The following CAB39L variants were observed in gnomAD, a reference collection of about 807,000 sequenced individuals.
CAB39L encodes the protein calcium binding protein 39 like, also known as calcium-binding protein 39-like.
Under a neutral mutation model 39.1 loss-of-function variants are expected in CAB39L, and 23 were observed. The ratio of observed to expected loss-of-function variants is 0.59; its 90% CI spans 0.42 to 0.83. The LOEUF (loss-of-function observed/expected upper bound fraction) is 0.83, where lower values mean the gene tolerates loss of function less well. Among genes scored for constraint, CAB39L ranks in the 40% least tolerant of loss-of-function variants. The pLI is 0.00. For synonymous variants in CAB39L, 126 were observed against 137.2 expected, an observed-to-expected ratio of 0.92 and a Z score of 0.57; for missense variants, 366 against 391.9, an observed-to-expected ratio of 0.93 and a Z score of 0.56.
Position 49,414,195 on chromosome 13 carries a change from T to C in CAB39L, c.-32+19123A>G, listed in dbSNP as rs191759457. 4.6e-5 allele frequency: 7 copies of C among 152,322 alleles called. No homozygotes were observed. In the East Asian group the frequency reaches 1.3e-3, roughly 29 times the overall value. 9.4% of individuals were successfully genotyped at this position (152,322 alleles called of 1,614,324 possible). ...TAGAGTCAAAACTGCAGATGAAAGA[T>C]TTGCCTTAGTAAAAAGAAGCATAAT... On this transcript the variant is annotated intron_variant, in intron 3 of 10. Coordinates refer to ENST00000409308, the MANE Select transcript of CAB39L (RefSeq NM_001079670.3).
At chr13:49,359,107 T>C (rs1955561574) in intron 6 of CAB39L, among the ~76,000 whole-genome samples, 1 of 152,176 alleles carries the variant, frequency 6.6e-6, no homozygotes, top group Non-Finnish European at 1.5e-5. Flanking sequence ...GATGGTCTGC[T>C]GTCCTCAAGC....
intron 3 of CAB39L, among the ~76,000 whole-genome samples, chr13:49,388,133 T>C (rs899594163): frequency 6.6e-6 from 1 of 152,224 alleles, no homozygotes; most frequent in African/African-American, 2.4e-5. Context: ...TACATATCTT[T>C]ATATCTATAT....
At chr13:49,418,361 T>C (rs141142796) in intron 3 of CAB39L, among the ~76,000 whole-genome samples, 559 of 152,280 alleles carry the variant, frequency 3.7e-3, no homozygotes, top group African/African-American at 0.013. Context: ...TTCATAGTTG[T>C]CTAGAGTTAG....
chr13:49,315,895 A>AAAAAGAAAAG (rs1386538478), intron 10 of CAB39L, among the ~76,000 whole-genome samples: 1 of 151,502 alleles, frequency 6.6e-6, no homozygotes, highest in East Asian at 1.9e-4. Flanking sequence ...AAAAAAAAAA[A>AAAAAGAAAAG]AAAAGAAAAG....
At chr13:49,361,546 GAGAGAA>G (rs1365305072) in intron 5 of CAB39L, among the ~76,000 whole-genome samples, 4 of 121,460 alleles carry the variant, frequency 3.3e-5, no homozygotes, top group Middle Eastern at 4.2e-3. Context: ...GAAAAAAAGA[GAGAGAA>G]AGAGAAAGAA....
At chr13:49,316,348 A>G (rs1415607822) in intron 10 of CAB39L, among the ~76,000 whole-genome samples, 1 of 152,192 alleles carries the variant, frequency 6.6e-6, no homozygotes, top group African/African-American at 2.4e-5. Flanking sequence ...CTTCCAACAA[A>G]AAAGAGACCA....
intron 1 of CAB39L, among the ~76,000 whole-genome samples, chr13:49,443,662 G>A (rs2138773930): frequency 6.6e-6 from 1 of 152,064 alleles, no homozygotes; most frequent in East Asian, 1.9e-4. Flanking sequence ...GAGCTCCCAG[G>A]AACCAATGTT....
chr13:49,416,614 C>A (rs1293719268), intron 3 of CAB39L, among the ~76,000 whole-genome samples: 2 of 152,138 alleles, frequency 1.3e-5, no homozygotes, highest in African/African-American at 4.8e-5. Flanking sequence ...GGCTCTGGAG[C>A]CTCCTACCTG....
chr13:49,412,818 A>T (rs1184000161), intron 3 of CAB39L: 1 of 152,192 alleles, frequency 6.6e-6, no homozygotes, highest in Admixed American at 6.5e-5. Context: ...CACAGTTCAC[A>T]GAAGGGTTTG....
chr13:49,370,572 C>G (rs1010013103), intron 5 of CAB39L, among the ~76,000 whole-genome samples: 1 of 152,168 alleles, frequency 6.6e-6, no homozygotes, highest in African/African-American at 2.4e-5. Context: ...TCCAGGGTGT[C>G]ATATCACCCA....
intron 5 of CAB39L, among the ~76,000 whole-genome samples, chr13:49,364,728 C>G (rs1422758632): frequency 6.6e-6 from 1 of 151,776 alleles, no homozygotes; most frequent in Non-Finnish European, 1.5e-5. Context: ...TAGAAATTAA[C>G]TTAACCAAAG....
intron 3 of CAB39L, among the ~76,000 whole-genome samples, chr13:49,395,132 TA>T (rs374710049): frequency 3.3e-5 from 5 of 152,346 alleles, no homozygotes; most frequent in African/African-American, 1.2e-4. Flanking sequence ...CAAATGCTTT[TA>T]TAGTAGAAAT....
At chr13:49,321,369 AAGAT>A (rs1214951331) in intron 10 of CAB39L, among the ~76,000 whole-genome samples, 7 of 152,248 alleles carry the variant, frequency 4.6e-5, no homozygotes, top group Admixed American at 6.5e-5. Flanking sequence ...CCATTTCAAA[AAGAT>A]AGATATCATC....
chr13:49,407,198 T>A, intron 3 of CAB39L, among the ~76,000 whole-genome samples: 1 of 152,178 alleles, frequency 6.6e-6, no homozygotes, highest in East Asian at 1.9e-4. Context: ...GCATGCTAAA[T>A]ATGCAATGAT....
At chr13:49,435,463 T>C (rs1339080824) in intron 1 of CAB39L, among the ~76,000 whole-genome samples, 1 of 152,178 alleles carries the variant, frequency 6.6e-6, no homozygotes, top group Non-Finnish European at 1.5e-5. Context: ...TGCTTTAACA[T>C]AGCTTTAATT....
chr13:49,413,247 T>C (rs974626859), intron 3 of CAB39L, among the ~76,000 whole-genome samples: 1 of 152,160 alleles, frequency 6.6e-6, no homozygotes, highest in Non-Finnish European at 1.5e-5. Flanking sequence ...TATTTTATCA[T>C]AAGGTAAAAT....
intron 10 of CAB39L, among the ~76,000 whole-genome samples, chr13:49,326,762 C>T (rs1006034505): frequency 6.6e-6 from 1 of 152,102 alleles, no homozygotes; most frequent in African/African-American, 2.4e-5. Context: ...ATGTACCTAC[C>T]CTGTCCAATG....
At chr13:49,348,288 C>T (rs570831120) in intron 7 of CAB39L, among the ~76,000 whole-genome samples, 1 of 152,154 alleles carries the variant, frequency 6.6e-6, no homozygotes, top group African/African-American at 2.4e-5. Context: ...CCACAGTGGC[C>T]GGGCGCAGTG....
intron 5 of CAB39L, among the ~76,000 whole-genome samples, chr13:49,373,267 A>C (rs7335760): frequency 0.53 from 81,188 of 151,888 alleles, 22,974 homozygotes; most frequent in African/African-American, 0.7. Context: ...AAGGAAATCT[A>C]AGCTTTTTTC....
Sources: allele counts gnomAD v4.1 joint callset (sites outside exome capture counted in the v4.1 genomes callset), GRCh38; gene constraint gnomAD v4.1.1; transcripts MANE v1.5; gene names NCBI Gene and HGNC (gene_info 2026-07-23, HGNC 2026-07-21).